The following MYPN variants were observed in gnomAD, a reference collection of about 807,000 sequenced individuals.
MYPN encodes the protein sarcomeric protein myopalladin, 145 kDa (MYOP).
In MYPN, 63 loss-of-function variants were observed where a neutral mutation model predicts 129.4. That is an observed-to-expected ratio of 0.49 (90% CI 0.40 to 0.60). The LOEUF is 0.60. Among genes scored for constraint, MYPN ranks in the 20% least tolerant of loss-of-function variants. The pLI, the probability that MYPN is intolerant of heterozygous loss-of-function variation, is 0.00. For synonymous variants in MYPN, 629 were observed against 600.9 expected (o/e 1.05, Z -0.68); for missense variants, 1,596 against 1,635.4 (o/e 0.98, Z 0.42).
In MYPN at chr10:68,178,712, C is replaced by CA. The variant is rs5785847; in HGVS notation, c.2703+3266dup. ...TGGGTGACAGAGCGAGACTCTGCCT[C>CA]AAAAAAAAAAAAAAAGGAATCCAGG... is the stretch of plus-strand genomic sequence containing the variant. On this transcript the variant is annotated intron_variant, in intron 12 of 19. Transcript: ENST00000358913. 3.1e-3 allele frequency among the ~76,000 whole-genome samples: 392 copies of CA among 125,178 alleles called. 8 individuals carry two copies. The highest frequency in any genetic ancestry group is 8.9e-3 in the African/African-American group (275 of 30,850). 82.1% of individuals were successfully genotyped at this position (125,178 alleles called of 152,430 possible).
At chr10:68,169,215 A>T (rs7894323) in intron 10 of MYPN, among the ~76,000 whole-genome samples, 3 of 140,322 alleles carry the variant, frequency 2.1e-5, no homozygotes. Context: ...AAAATTAGCC[A>T]GGTGTTGTGG....
intron 8 of MYPN, 69 bp downstream of exon 8, chr10:68,161,821 A>G (rs779377956): frequency 1.7e-6 from 2 of 1,190,774 alleles, no homozygotes; most frequent in Non-Finnish European, 2.4e-6. Context: ...TACATAATGA[A>G]GTTACACTGA....
intron 7 of MYPN, among the ~76,000 whole-genome samples, chr10:68,160,911 C>T (rs931340449): frequency 1.4e-4 from 22 of 151,968 alleles, no homozygotes; most frequent in African/African-American, 4.6e-4. Context: ...AGTGAGACTT[C>T]GTCTCAAAAA....
intron 1 of MYPN, among the ~76,000 whole-genome samples, chr10:68,118,904 A>T (rs2042198152): frequency 6.6e-6 from 1 of 151,312 alleles, no homozygotes. Flanking sequence ...GAAGGAAGGA[A>T]GGAAGGAAGG....
intron 19 of MYPN, 24 bp from the exon 20 acceptor site, chr10:68,210,262 C>T: frequency 6.2e-7 from 1 of 1,612,426 alleles, no homozygotes; most frequent in Non-Finnish European, 8.5e-7. Context: ...TTGATCATAA[C>T]ACATTATTTG....
chr10:68,175,181 C>T (rs954066274), intron 11 of MYPN, 142 bp from the exon 12 acceptor site: 5 of 906,362 alleles, frequency 5.5e-6, no homozygotes, highest in African/African-American at 1.7e-5. Context: ...TTACAAATAC[C>T]GATTCTCTGC....
intron 6 of MYPN, among the ~76,000 whole-genome samples, chr10:68,150,875 T>A (rs550806445): frequency 6.6e-6 from 1 of 152,304 alleles, no homozygotes; most frequent in African/African-American, 2.4e-5. Flanking sequence ...GGATTTATTG[T>A]TTATTGTTTG....
chr10:68,126,577 G>A (rs753653651), intron 2 of MYPN, among the ~76,000 whole-genome samples: 9 of 152,322 alleles, frequency 5.9e-5, no homozygotes, highest in Middle Eastern at 3.4e-3. Flanking sequence ...TGGTAGGAAC[G>A]AGGAGGAAGG....
chr10:68,192,190 A>C (rs2043525032), intron 13 of MYPN, among the ~76,000 whole-genome samples: 1 of 152,044 alleles, frequency 6.6e-6, no homozygotes, highest in East Asian at 1.9e-4. Context: ...CAATTTGTTG[A>C]GGGTTTTTTA....
At chr10:68,105,353 C>T (rs1046025542), upstream of MYPN, among the ~76,000 whole-genome samples, 9 of 152,116 alleles carry the variant, frequency 5.9e-5, no homozygotes, top group South Asian at 2.1e-4. Flanking sequence ...CATAGTGCCT[C>T]GCACATAGCT....
intron 6 of MYPN, 92 bp from the exon 7 acceptor site, chr10:68,158,394 G>T: frequency 1.6e-6 from 2 of 1,237,250 alleles, no homozygotes; most frequent in Non-Finnish European, 2.3e-6. Flanking sequence ...TCCAAATATG[G>T]AGACGGCATC....
intron 18 of MYPN, among the ~76,000 whole-genome samples, chr10:68,206,563 G>C (rs2043818951): frequency 6.6e-6 from 1 of 152,048 alleles, no homozygotes; most frequent in African/African-American, 2.4e-5. Context: ...GCAGCAGTGG[G>C]GAGGGCAACA....
At chr10:68,209,126 C>T (rs566869623) in intron 19 of MYPN, among the ~76,000 whole-genome samples, 8 of 152,136 alleles carry the variant, frequency 5.3e-5, no homozygotes, top group Non-Finnish European at 8.8e-5. Flanking sequence ...CTTTCCAGGA[C>T]CCAGAGCACG....
chr10:68,173,666 A>G (rs2043177666), intron 10 of MYPN, among the ~76,000 whole-genome samples: 1 of 151,320 alleles, frequency 6.6e-6, no homozygotes, highest in Non-Finnish European at 1.5e-5. Context: ...AGGTGGCAAG[A>G]TCAGGACTCA....
intron 3 of MYPN, among the ~76,000 whole-genome samples, chr10:68,143,693 G>A (rs561831996): frequency 2.6e-5 from 4 of 152,196 alleles, no homozygotes; most frequent in Admixed American, 2.6e-4. Context: ...TAGATGAGAA[G>A]TTCTGGAGCA....
intron 1 of MYPN, among the ~76,000 whole-genome samples, chr10:68,118,462 G>A (rs999797229): frequency 6.6e-6 from 1 of 152,142 alleles, no homozygotes; most frequent in Non-Finnish European, 1.5e-5. Context: ...CTGGTACCAA[G>A]GCCAATGCTC....
intron 2 of MYPN, among the ~76,000 whole-genome samples, chr10:68,138,090 T>C (rs1171054250): frequency 6.7e-6 from 1 of 149,160 alleles, no homozygotes; most frequent in Non-Finnish European, 1.5e-5. Context: ...GAAATGGAAT[T>C]TTTCTTTTTC....
chr10:68,119,055 TGA>T (rs1268237846), intron 1 of MYPN, among the ~76,000 whole-genome samples: 1 of 152,138 alleles, frequency 6.6e-6, no homozygotes, highest in Non-Finnish European at 1.5e-5. Flanking sequence ...AAGAAATAGT[TGA>T]GTTACAAATG....
upstream of MYPN, chr10:68,109,256 TGAATGATGAA>T: frequency 5.6e-6 from 1 of 177,102 alleles, no homozygotes; most frequent in Non-Finnish European, 1.2e-5. Context: ...GCCATTTTTT[TGAATGATGAA>T]CTATGGTATA....
Sources: allele counts gnomAD v4.1 joint callset (sites outside exome capture counted in the v4.1 genomes callset), GRCh38; gene constraint gnomAD v4.1.1; transcripts MANE v1.5; gene names NCBI Gene and HGNC (gene_info 2026-07-23, HGNC 2026-07-21).